The following STAT4 variants were observed in gnomAD, a reference collection of about 807,000 sequenced individuals.
STAT4 encodes the protein signal transducer and activator of transcription 4.
Under a neutral mutation model 110.5 loss-of-function variants are expected in STAT4, and 42 were observed. The ratio of observed to expected loss-of-function variants is 0.38; its 90% CI spans 0.30 to 0.49. STAT4 has a LOEUF of 0.49. Among genes scored for constraint, STAT4 ranks in the 20% least tolerant of loss-of-function variants. STAT4 has a pLI of 0.95. For missense variants in STAT4, 632 were observed against 887.9 expected, an observed-to-expected ratio of 0.71 and a Z score of 3.66; for synonymous variants, 284 against 302.2, an observed-to-expected ratio of 0.94 and a Z score of 0.63.
chr2:191,146,750 C>T lies in STAT4; in HGVS notation c.136G>A (p.Ala46Thr). Residue 46 changes from alanine (A) to threonine (T), a missense_variant, in exon 3 of 24, where the codon GCT (alanine) becomes ACT (threonine). Transcript: ENST00000392320. This position sits in a 1 kb window ranked among gnomAD's most constrained non-coding sequence, Gnocchi z 4.5. ...QWIENQDWEAASNNETMATIL... is the reference protein window; with the variant it reads ...QWIENQDWEATSNNETMATIL... ...GTTGCCATGGTTTCATTGTTAGAAG[C>T]TGCCTCCCTAAAAAAAAAAAGGATT... is the stretch of plus-strand genomic sequence containing the variant. 1.3e-6 allele frequency: 2 copies of T among 1,540,924 alleles called. No individual in the cohort carries two copies. Among genetic ancestry groups the T allele is most frequent in the South Asian group, 2.5e-5 (2 of 78,952 alleles).
chr2:191,100,330 C>A (rs375848340), intron 3 of STAT4, among the ~76,000 whole-genome samples: 33 of 152,094 alleles, frequency 2.2e-4, no homozygotes, highest in African/African-American at 7.7e-4. Flanking sequence ...AGCTCATAAA[C>A]AATAGGTTAG....
chr2:191,056,128 T>A (rs1405002222), intron 13 of STAT4, among the ~76,000 whole-genome samples: 1 of 152,216 alleles, frequency 6.6e-6, no homozygotes, highest in Non-Finnish European at 1.5e-5. Context: ...TTAGAAACAT[T>A]TTATCTTTTA....
At chr2:191,064,228 C>T (rs1237689771) in intron 8 of STAT4, among the ~76,000 whole-genome samples, 1 of 152,176 alleles carries the variant, frequency 6.6e-6, no homozygotes, top group East Asian at 1.9e-4. Flanking sequence ...ATAGTTACAT[C>T]AACGGAATAA....
At chr2:191,120,471 T>C (rs930068926) in intron 3 of STAT4, among the ~76,000 whole-genome samples, 37 of 152,282 alleles carry the variant, frequency 2.4e-4, no homozygotes, top group African/African-American at 8.9e-4. Context: ...TGAGCCGTGA[T>C]TGAGCCACTG....
chr2:191,072,696 T>C (rs1198758229), intron 5 of STAT4, among the ~76,000 whole-genome samples: 3 of 152,130 alleles, frequency 2.0e-5, no homozygotes, highest in Admixed American at 6.6e-5. Flanking sequence ...AGACTGATTA[T>C]GGAAAAAAGA....
chr2:191,080,475 G>A (rs376577748), intron 3 of STAT4, among the ~76,000 whole-genome samples: 8 of 152,066 alleles, frequency 5.3e-5, no homozygotes, highest in African/African-American at 1.9e-4. Flanking sequence ...TCTGTAGAGT[G>A]TGCACAATTA....
chr2:191,037,356 G>A lies in STAT4; in HGVS notation c.1435-1057C>T, dbSNP rs1447621990. On this transcript the variant is annotated intron_variant, in intron 16 of 23. Coordinates refer to ENST00000392320, the MANE Select transcript of STAT4 (RefSeq NM_003151.4). The surrounding 1 kb of genome is among the most constrained non-coding windows in gnomAD (Gnocchi z 4.8). The stretch of plus-strand genomic sequence containing the variant: ...AAAAACAGAGAAATGATCTCGCTCT[G>A]TTGCTCAAGCTGGACTTGAACTCCT... Among the ~76,000 whole-genome samples the A allele has an allele frequency of 2.0e-5, 3 of 152,140 alleles. No homozygotes were observed. In the East Asian group the frequency reaches 5.8e-4, roughly 29 times the overall value.
rs747387841 is a variant in STAT4 at position 191,032,292 on chromosome 2, A to G, written c.2044+666T>C. The G allele has an allele frequency of 1.3e-5, 2 of 152,260 alleles. No homozygotes were observed. The highest frequency in any genetic ancestry group is 2.9e-5 in the Non-Finnish European group (2 of 68,068). 9.4% of individuals were successfully genotyped at this position (152,260 alleles called of 1,614,324 possible). A position where few individuals can be genotyped will look rare whatever the true frequency, so the allele number is the denominator to read the frequency against. ...TTTATGGATTGTATACACTTTCATT[A>G]AAGAAACAGAATGGTGAACGTACCT... On this transcript the variant is annotated intron_variant, in intron 21 of 23. Coordinates refer to ENST00000392320, the MANE Select transcript of STAT4 (RefSeq NM_003151.4). The surrounding 1 kb of genome is among the most constrained non-coding windows in gnomAD (Gnocchi z 4.9).
Position 191,029,792 on chromosome 2 carries a change from T to C in STAT4, c.*48A>G. ...TGGTTATTGGGCAAAGAACAGTCTT[T>C]AAACTTTTTCATTTGCTTCCTTTCT... On this transcript the variant is annotated 3_prime_UTR_variant, in exon 24 of 24. Coordinates refer to ENST00000392320, the MANE Select transcript of STAT4 (RefSeq NM_003151.4). The surrounding 1 kb of genome is among the most constrained non-coding windows in gnomAD (Gnocchi z 4.5). 6.4e-7 allele frequency: 1 copy of C among 1,569,562 alleles called. No individual in the cohort carries two copies. Among genetic ancestry groups the C allele is most frequent in the Non-Finnish European group, 8.7e-7 (1 of 1,148,030 alleles).
At chr2:191,133,008 C>T (rs1226446236) in intron 3 of STAT4, among the ~76,000 whole-genome samples, 3 of 151,436 alleles carry the variant, frequency 2.0e-5, no homozygotes, top group East Asian at 1.9e-4. Flanking sequence ...CCCACCTCGG[C>T]CTCCCAAAGT....
intron 3 of STAT4, among the ~76,000 whole-genome samples, chr2:191,105,624 T>C (rs546984994): frequency 3.9e-5 from 6 of 152,216 alleles, no homozygotes; most frequent in Non-Finnish European, 8.8e-5. Context: ...TTTTACCCAC[T>C]AAAGATAAGC....
Position 191,062,961 on chromosome 2 carries a change from T to A in STAT4, c.783-41A>T. On this transcript the variant is annotated intron_variant, in intron 8 of 23. Coordinates refer to ENST00000392320, the MANE Select transcript of STAT4 (RefSeq NM_003151.4). This position sits in a 1 kb window ranked among gnomAD's most constrained non-coding sequence, Gnocchi z 4.9. ...TGAAAATCAAAGATAGTTTTTCCAC[T>A]TAATAATAAAAAAGCATTGTAACAA... is the stretch of plus-strand genomic sequence containing the variant. 1 of 1,571,458 alleles carries A rather than the reference T, an allele frequency of 6.4e-7. No homozygotes were observed. Among genetic ancestry groups the A allele is most frequent in the Non-Finnish European group, 8.6e-7 (1 of 1,157,930 alleles).
chr2:191,043,964 A>C lies in STAT4; in HGVS notation c.1252-2816T>G, dbSNP rs1696278161. ...ATAAAGGCATTCTTGAAAACAATAA[A>C]CATCAAAATTCAAGGCAATGGTTAT... On this transcript the variant is annotated intron_variant, in intron 14 of 23. Coordinates refer to ENST00000392320, the MANE Select transcript of STAT4 (RefSeq NM_003151.4). The surrounding 1 kb of genome is among the most constrained non-coding windows in gnomAD (Gnocchi z 4.8). Among the ~76,000 whole-genome samples, 3 of 150,758 alleles carry C rather than the reference A, an allele frequency of 2.0e-5. No homozygotes were observed. Among genetic ancestry groups the C allele is most frequent in the South Asian group, 4.2e-4 (2 of 4,756 alleles).
In STAT4 at chr2:191,029,717, G is replaced by A. The variant is rs1223969797; in HGVS notation, c.*123C>T. On this transcript the variant is annotated 3_prime_UTR_variant, in exon 24 of 24. Transcript: ENST00000392320. This position sits in a 1 kb window ranked among gnomAD's most constrained non-coding sequence, Gnocchi z 4.5. ...CGGGAGTGTGAAGAGAGCTTCAGAT[G>A]TCAAACATTTCCTAGAACCTGGTAT... 2.2e-6 allele frequency: 2 copies of A among 909,862 alleles called. No homozygotes were observed. Among genetic ancestry groups the A allele is most frequent in the African/African-American group, 3.4e-5 (2 of 58,918 alleles). 56.4% of individuals were successfully genotyped at this position (909,862 alleles called of 1,614,324 possible). A position where few individuals can be genotyped will look rare whatever the true frequency, so the allele number is the denominator to read the frequency against.
At chr2:191,076,107 G>T (rs1574133150) in intron 4 of STAT4, 120 bp downstream of exon 4, 11 of 728,410 alleles carry the variant, frequency 1.5e-5, no homozygotes, top group South Asian at 3.9e-5. Flanking sequence ...TCCCACCTTT[G>T]CCTCCCAAAG....
In STAT4 at chr2:191,146,959, A is replaced by T. The variant is rs1331389659; in HGVS notation, c.129-202T>A. ...CAAGTGAAAATCAGAGTAAGATACC[A>T]CTTCATACCCATTAGGGTGGCTATT... is the stretch of plus-strand genomic sequence containing the variant. On this transcript the variant is annotated intron_variant, in intron 2 of 23. Transcript: ENST00000392320. This position sits in a 1 kb window ranked among gnomAD's most constrained non-coding sequence, Gnocchi z 4.5. Among the ~76,000 whole-genome samples the T allele has an allele frequency of 6.6e-5, 10 of 152,208 alleles. No individual in the cohort carries two copies. Among genetic ancestry groups the T allele is most frequent in the Non-Finnish European group, 1.5e-4 (10 of 68,022 alleles).
chr2:191,135,972 A>G lies in STAT4; in HGVS notation c.273+10641T>C, dbSNP rs1574192569. Among the ~76,000 whole-genome samples the G allele has an allele frequency of 6.6e-6, 1 of 151,302 alleles. No individual in the cohort carries two copies. The highest frequency in any genetic ancestry group is 6.6e-5 in the Admixed American group (1 of 15,102). ...AATACTGATGCAAAATTTGTCAACA[A>G]AATACTAGCAAATCAAATCCAACAG... On this transcript the variant is annotated intron_variant, in intron 3 of 23. Transcript: ENST00000392320. The surrounding 1 kb of genome is among the most constrained non-coding windows in gnomAD (Gnocchi z 4.8).
intron 18 of STAT4, 66 bp downstream of exon 18, chr2:191,034,482 T>C (rs369477828): frequency 4.0e-5 from 48 of 1,187,380 alleles, no homozygotes; most frequent in Non-Finnish European, 5.8e-5. Flanking sequence ...CATGTAGTAA[T>C]AGACTTAGAA....
intron 3 of STAT4, among the ~76,000 whole-genome samples, chr2:191,127,742 C>T (rs1418336185): frequency 6.6e-6 from 1 of 152,204 alleles, no homozygotes; most frequent in Non-Finnish European, 1.5e-5. Flanking sequence ...AATGATGTTT[C>T]ATCATCCACA....
Sources: gnomAD v4.1 joint callset for allele counts (sites outside exome capture counted in the v4.1 genomes callset) on GRCh38, gnomAD v4.1.1 for gene constraint, Gnocchi (gnomAD v3.1) non-coding constraint, MANE v1.5 for transcripts, NCBI Gene and HGNC (gene_info 2026-07-23, HGNC 2026-07-21) for gene names.